Variants in PYROXD2 observed in about 807,000 individuals in gnomAD.
PYROXD2 encodes pyridine nucleotide-disulfide oxidoreductase domain-containing protein 2.
Under a neutral mutation model 71.1 loss-of-function variants are expected in PYROXD2, and 69 were observed. The observed-to-expected ratio is 0.97, with a 90% confidence interval of 0.80 to 1.19. The LOEUF (loss-of-function observed/expected upper bound fraction) is 1.19, where lower values mean the gene tolerates loss of function less well. PYROXD2 is among the 50% of genes most tolerant of loss of function. PYROXD2 has a pLI of 0.00. For missense variants in PYROXD2, 745 were observed against 748.9 expected (o/e 0.99, Z 0.06); for synonymous variants, 287 against 302.7 (o/e 0.95, Z 0.54).
intron 15 of PYROXD2, 34 bp from the exon 16 acceptor site, chr10:98,383,902 C>A: frequency 1.3e-6 from 2 of 1,591,608 alleles, no homozygotes; most frequent in Non-Finnish European, 1.7e-6. Context: ...CAAAGCTCCG[C>A]TCAAAAACCT....
Position 98,393,043 on chromosome 10 carries a change from TTCC to T in PYROXD2, c.823_825del (p.Gly275del). 1 of 1,596,278 alleles carries T rather than the reference TTCC, an allele frequency of 6.3e-7. No homozygotes were observed. Among genetic ancestry groups the T allele is most frequent in the Non-Finnish European group, 8.6e-7 (1 of 1,169,032 alleles). ...TGGACGTAGCCCCAGGCCCCCTGCATTCCCTCCAGGCCCCCCATCACATGGTGC... is the reference window on the plus strand; with the variant it reads ...TGGACGTAGCCCCAGGCCCCCTGCATCTCCAGGCCCCCCATCACATGGTGC... On this transcript the variant is annotated inframe_deletion, in exon 9 of 16. Coordinates refer to ENST00000370575, the MANE Select transcript of PYROXD2 (RefSeq NM_032709.3).
At chr10:98,389,607 C>A (rs1013785971) in intron 12 of PYROXD2, among the ~76,000 whole-genome samples, 1 of 152,190 alleles carries the variant, frequency 6.6e-6, no homozygotes, top group Non-Finnish European at 1.5e-5. Context: ...CACACTCCTG[C>A]CCCAGGGCCT....
At chr10:98,403,805 C>G (rs1843503420) in intron 4 of PYROXD2, among the ~76,000 whole-genome samples, 1 of 152,190 alleles carries the variant, frequency 6.6e-6, no homozygotes, top group Non-Finnish European at 1.5e-5. Context: ...AGTTCTCTGC[C>G]TAAGAGCAGT....
rs1273702445 is a variant in PYROXD2, at chr10:98,386,323, GAGGGAGGAAGGA to G, written c.1554+866_1554+877del. 1.4e-3 allele frequency among the ~76,000 whole-genome samples: 82 copies of G among 59,782 alleles called. 1 individual carries two copies. The East Asian group carries it at 0.028, about 20-fold the overall frequency. 39.2% of individuals were successfully genotyped at this position (59,782 alleles called of 152,430 possible). A position where few individuals can be genotyped will look rare whatever the true frequency, so the allele number is the denominator to read the frequency against. ...GGAGGGAGGGAGGAAACAAGGAAGG[GAGGGAGGAAGGA>G]AGGAAGGAAGGAAGGAAGGAAGGAA... On this transcript the variant is annotated intron_variant, in intron 14 of 15. Transcript: ENST00000370575.
Position 98,400,173 on chromosome 10 carries a change from A to T in PYROXD2, c.400T>A (p.Cys134Ser), listed in dbSNP as rs1169261960. 1 of 1,613,594 alleles carries T rather than the reference A, an allele frequency of 6.2e-7. No homozygotes were observed. The highest frequency in any genetic ancestry group is 8.5e-7 in the Non-Finnish European group (1 of 1,179,822). ...GCCATGTCTGTGCCCAGCAGAAGGC[A>T]CCTGGGCACCTTGCTGCCTGCACCC... ...EEGAGSKVPR[C>S]LLLGTDMAEN... The change falls in exon 5 of 16, where the codon TGC becomes AGC. Residue 134 changes from cysteine to serine, a missense_variant. By Grantham distance (112) the Cys-to-Ser change is moderately radical. Coordinates refer to ENST00000370575, the MANE Select transcript of PYROXD2 (RefSeq NM_032709.3).
rs540012822 is a variant in PYROXD2, at chr10:98,395,450, G to T, written c.628C>A (p.Arg210Ser). 4 of 1,613,850 alleles carry T rather than the reference G, an allele frequency of 2.5e-6. No homozygotes were observed. The highest frequency in any genetic ancestry group is 3.4e-6 in the Non-Finnish European group (4 of 1,179,736). ...CGGGGAAGCTGGGCTCCCAGGATGC[G>T]GCCTACAAGAGAAGATCCACAAAAC... ...STLKPLLKAG[R>S]ILGAQLPRYY... is the part of the protein sequence containing the mutation. The change falls in exon 7 of 16, where the codon CGC becomes AGC. Residue 210 changes from arginine (R) to serine (S), a missense_variant and splice_region_variant. By Grantham distance (110) the Arg-to-Ser change is moderately radical (BLOSUM62 -1). Transcript: ENST00000370575.
chr10:98,390,211 G>A (rs888780122), intron 12 of PYROXD2, among the ~76,000 whole-genome samples: 1 of 152,178 alleles, frequency 6.6e-6, no homozygotes, highest in Non-Finnish European at 1.5e-5. Flanking sequence ...TTTGCAAGAA[G>A]GCAGATTATC....
intron 1 of PYROXD2, chr10:98,411,189 T>G (rs1003958989): frequency 8.0e-6 from 5 of 627,656 alleles, no homozygotes; most frequent in Non-Finnish European, 1.1e-5. Context: ...GCTGGAAAAG[T>G]CCTGCTCCCC....
intron 14 of PYROXD2, among the ~76,000 whole-genome samples, chr10:98,386,303 G>C (rs28482017): frequency 1.5e-5 from 2 of 130,488 alleles, no homozygotes; most frequent in African/African-American, 3.0e-5. Context: ...GGGAGGGAGG[G>C]AGGGAGGAAA....
Position 98,410,975 on chromosome 10 carries a change from C to G in PYROXD2, c.128-17G>C. 1 of 1,560,742 alleles carries G rather than the reference C, an allele frequency of 6.4e-7. No homozygotes were observed. The highest frequency in any genetic ancestry group is 8.7e-7 in the Non-Finnish European group (1 of 1,151,608). On this transcript the variant is annotated splice_polypyrimidine_tract_variant and intron_variant, in intron 1 of 15. Coordinates refer to ENST00000370575, the MANE Select transcript of PYROXD2 (RefSeq NM_032709.3). ...CGTTGTGTCCTGCAACAAAACGGGA[C>G]AGGGAAGGAAAACATCACTGGTCAG...
At chr10:98,392,076 C>G (rs1360398575) in intron 10 of PYROXD2, among the ~76,000 whole-genome samples, 2 of 152,130 alleles carry the variant, frequency 1.3e-5, no homozygotes, top group African/African-American at 4.8e-5. Flanking sequence ...AATTAATAAT[C>G]ATGGATAATA....
At chr10:98,404,856 G>C (rs547532603) in intron 4 of PYROXD2, among the ~76,000 whole-genome samples, 1 of 152,220 alleles carries the variant, frequency 6.6e-6, no homozygotes, top group South Asian at 2.1e-4. Flanking sequence ...GAACCCCTGG[G>C]GTTTCCCCAG....
chr10:98,388,292 A>G (rs1842822676), intron 13 of PYROXD2, 62 bp downstream of exon 13: 1 of 1,549,142 alleles, frequency 6.5e-7, no homozygotes, highest in Admixed American at 1.7e-5. Context: ...GAGGAGGAGC[A>G]GGCCCAGTTG....
At chr10:98,398,472 T>C (rs969700965) in intron 5 of PYROXD2, among the ~76,000 whole-genome samples, 8 of 152,186 alleles carry the variant, frequency 5.3e-5, no homozygotes, top group Non-Finnish European at 8.8e-5. Flanking sequence ...TCTCTACCCA[T>C]GGATATACCC....
chr10:98,394,962 T>C (rs1056268402), intron 8 of PYROXD2, among the ~76,000 whole-genome samples: 1 of 152,106 alleles, frequency 6.6e-6, no homozygotes, highest in African/African-American at 2.4e-5. Flanking sequence ...AAATCAGCCT[T>C]GCCACTTACC....
rs892912455 is a variant in PYROXD2, at chr10:98,383,584, G to A, written c.*214C>T. Reference sequence around the variant, plus strand: ...GCAAAATAATCTGTATGAAATATTAGTTTTAATAAAACAGAACCAGTCCAT... The same window carrying A: ...GCAAAATAATCTGTATGAAATATTAATTTTAATAAAACAGAACCAGTCCAT... On this transcript the variant is annotated 3_prime_UTR_variant, in exon 16 of 16. Coordinates refer to ENST00000370575, the MANE Select transcript of PYROXD2 (RefSeq NM_032709.3). The A allele has an allele frequency of 3.8e-5, 23 of 602,728 alleles. No homozygotes were observed. In the Admixed American group the frequency reaches 3.9e-4, roughly 10 times the overall value. The allele number at this position is 602,728 out of a possible 1,614,324, so 37.3% of individuals were successfully genotyped here. A position where few individuals can be genotyped will look rare whatever the true frequency, so the allele number is the denominator to read the frequency against.
At chr10:98,410,241 T>C (rs1034379643) in intron 2 of PYROXD2, among the ~76,000 whole-genome samples, 1 of 152,204 alleles carries the variant, frequency 6.6e-6, no homozygotes, top group African/African-American at 2.4e-5. Flanking sequence ...CCCCCTATAT[T>C]GATGTTCTAG....
intron 10 of PYROXD2, 114 bp from the exon 11 acceptor site, chr10:98,391,196 C>T: frequency 2.7e-6 from 2 of 745,336 alleles, no homozygotes; most frequent in Non-Finnish European, 4.7e-6. Context: ...TCCTCTTCAT[C>T]CTTCAAAGCT....
At chr10:98,413,600 G>T (rs1843862579) in intron 1 of PYROXD2, among the ~76,000 whole-genome samples, 1 of 152,050 alleles carries the variant, frequency 6.6e-6, no homozygotes, top group Non-Finnish European at 1.5e-5. Context: ...TGTAGTCCCA[G>T]CTACTCGGGA....
Sources: allele counts gnomAD v4.1 joint callset (sites outside exome capture counted in the v4.1 genomes callset), GRCh38; gene constraint gnomAD v4.1.1; transcripts MANE v1.5; gene names NCBI Gene and HGNC (gene_info 2026-07-23, HGNC 2026-07-21).